The following PDIA3 variants were observed in gnomAD, a reference collection of about 807,000 sequenced individuals.
PDIA3 encodes the protein protein disulfide-isomerase A3.
Under a neutral mutation model 56.9 loss-of-function variants are expected in PDIA3, and 16 were observed. That is an observed-to-expected ratio of 0.28 (90% CI 0.19 to 0.43). The LOEUF (loss-of-function observed/expected upper bound fraction) is 0.43. PDIA3 is among the 20% of genes least tolerant of loss of function. The pLI, the probability that PDIA3 is intolerant of heterozygous loss-of-function variation, is 1.00. For synonymous variants in PDIA3, 192 were observed against 216.5 expected, an observed-to-expected ratio of 0.89 and a Z score of 0.99; for missense variants, 485 against 621.3, an observed-to-expected ratio of 0.78 and a Z score of 2.33.
chr15:43,746,876 G>T (rs1462541864), intron 1 of PDIA3, 170 bp downstream of exon 1: 16 of 735,436 alleles, frequency 2.2e-5, no homozygotes, highest in South Asian at 5.3e-5. Context: ...CCGAGAGCGG[G>T]GGAGTCGGTG....
intron 1 of PDIA3, chr15:43,751,776 T>G: frequency 7.7e-7 from 1 of 1,291,752 alleles, no homozygotes; most frequent in Non-Finnish European, 1.0e-6. Flanking sequence ...ATGCATACTT[T>G]TGTTGTTTTA....
At position 43,771,574 on chromosome 15, in the gene PDIA3, G is replaced by A; in HGVS notation, c.*356G>A. The stretch of plus-strand genomic sequence containing the variant: ...TTTTCCACCAGATTGAGAACCAGAT[G>A]TTCTCTACACACTATCACTGTTCAA... On this transcript the variant is annotated 3_prime_UTR_variant, in exon 13 of 13. Transcript: ENST00000300289. The A allele has an allele frequency of 4.4e-6, 2 of 454,066 alleles. No individual in the cohort carries two copies. The highest frequency in any genetic ancestry group is 3.8e-6 in the Non-Finnish European group (1 of 260,134). 28.1% of individuals were successfully genotyped at this position (454,066 alleles called of 1,614,324 possible).
At chr15:43,766,103 G>T in intron 7 of PDIA3, 91 bp downstream of exon 7, 156 of 742,296 alleles carry the variant, frequency 2.1e-4, no homozygotes, top group Non-Finnish European at 2.7e-4. Context: ...TTAAGAATCT[G>T]TAAAACAATA....
chr15:43,765,395 G>A, intron 5 of PDIA3, 55 bp from the exon 6 acceptor site: 1 of 967,662 alleles, frequency 1.0e-6, no homozygotes, highest in Non-Finnish European at 1.6e-6. Flanking sequence ...AAAAAAAGAT[G>A]GGAGACAGTT....
chr15:43,771,041 T>C, intron 12 of PDIA3, 64 bp from the exon 13 acceptor site: 1 of 1,011,290 alleles, frequency 9.9e-7, no homozygotes, highest in East Asian at 2.5e-5. Flanking sequence ...GTCTTCCTGT[T>C]TGGGTGGGGC....
intron 3 of PDIA3, among the ~76,000 whole-genome samples, chr15:43,758,730 C>A (rs1370694134): frequency 6.6e-6 from 1 of 151,796 alleles, no homozygotes; most frequent in Non-Finnish European, 1.5e-5. Context: ...AATCCCAGCT[C>A]TTTGGGAGGC....
rs923726595 is a variant in PDIA3, at chr15:43,752,676, A to G, written c.168-1148A>G. 18 of 423,442 alleles carry G rather than the reference A, an allele frequency of 4.3e-5. No homozygotes were observed. In the East Asian group the frequency reaches 1.3e-3, roughly 30 times the overall value. The allele number at this position is 423,442 out of a possible 1,614,324, so 26.2% of individuals were successfully genotyped here. A position where few individuals can be genotyped will look rare whatever the true frequency, so the allele number is the denominator to read the frequency against. ...AAGCTGTTATAATCCTTTATTTTAAACAAGTTTTAGGTGTACAATATTTCC... is the reference window on the plus strand; with the variant it reads ...AAGCTGTTATAATCCTTTATTTTAAGCAAGTTTTAGGTGTACAATATTTCC... On this transcript the variant is annotated intron_variant, in intron 1 of 12. Transcript: ENST00000300289.
In PDIA3 at chr15:43,746,652, G is replaced by A; in HGVS notation, c.113G>A (p.Arg38His). ...LELTDDNFES[R>H]ISDTGSAGLM... The stretch of plus-strand genomic sequence containing the variant: ...CTCACGGACGACAACTTCGAGAGTC[G>A]CATCTCCGACACGGGCTCTGCGGGC... The change falls in exon 1 of 13, where the codon CGC becomes CAC. Residue 38 changes from arginine (R) to histidine (H), a missense_variant. Physicochemically the swap from Arg to His is conservative, Grantham distance 29 (BLOSUM62 0). Transcript: ENST00000300289. The A allele has an allele frequency of 6.2e-7, 1 of 1,612,954 alleles. No individual in the cohort carries two copies. Among genetic ancestry groups the A allele is most frequent in the African/African-American group, 1.3e-5 (1 of 75,066 alleles).
chr15:43,765,384 A>C, intron 5 of PDIA3, 66 bp from the exon 6 acceptor site: 1 of 935,066 alleles, frequency 1.1e-6, no homozygotes, highest in Admixed American at 1.9e-5. Context: ...CTATCTCAAA[A>C]AAAAAAAGAT....
At chr15:43,762,607 ATTCT>A (rs1157306050) in intron 4 of PDIA3, among the ~76,000 whole-genome samples, 1 of 151,740 alleles carries the variant, frequency 6.6e-6, no homozygotes, top group South Asian at 2.1e-4. Context: ...GATTTTACTG[ATTCT>A]TTATATTTTA....
At chr15:43,761,860 A>G (rs2086818623) in intron 4 of PDIA3, among the ~76,000 whole-genome samples, 1 of 152,184 alleles carries the variant, frequency 6.6e-6, no homozygotes. Context: ...GAATATCTTC[A>G]GCGTTTTCTA....
At chr15:43,767,038 AT>A (rs2086851604) in intron 8 of PDIA3, 128 bp downstream of exon 8, 2 of 842,044 alleles carry the variant, frequency 2.4e-6, no homozygotes, top group South Asian at 3.3e-5. Context: ...TATGACTGTC[AT>A]TTTTCTCAAT....
chr15:43,755,082 T>C (rs942616696), intron 2 of PDIA3, among the ~76,000 whole-genome samples: 1 of 152,108 alleles, frequency 6.6e-6, no homozygotes, highest in African/African-American at 2.4e-5. Flanking sequence ...TCCCAGCACT[T>C]TGACAGGCTG....
chr15:43,770,221 T>G (rs774473898), intron 10 of PDIA3, 29 bp from the exon 11 acceptor site: 2 of 1,568,110 alleles, frequency 1.3e-6, no homozygotes, highest in South Asian at 2.2e-5. Context: ...AAACTTGAAA[T>G]GTAAACATTT....
rs559378416 is a variant in PDIA3, at chr15:43,757,268, T to C, written c.364+502T>C. Among the ~76,000 whole-genome samples, 9 of 152,190 alleles carry C rather than the reference T, an allele frequency of 5.9e-5. No homozygotes were observed. In the East Asian group the frequency reaches 1.2e-3, roughly 20 times the overall value. On this transcript the variant is annotated intron_variant, in intron 3 of 12. Coordinates refer to ENST00000300289, the MANE Select transcript of PDIA3 (RefSeq NM_005313.5). The stretch of plus-strand genomic sequence containing the variant: ...TTTGTCCCCATCTCCAATAAAAAGT[T>C]TGGGCCGGGGCCGGGTGCGGTGGCT...
chr15:43,771,038 T>A, intron 12 of PDIA3, 67 bp from the exon 13 acceptor site: 1 of 982,668 alleles, frequency 1.0e-6, no homozygotes, highest in Non-Finnish European at 1.6e-6. Context: ...GAAGTCTTCC[T>A]GTTTGGGTGG....
Position 43,772,724 on chromosome 15 carries a change from T to A in PDIA3, c.*1506T>A, listed in dbSNP as rs143012752. 2 of 159,054 alleles carry A rather than the reference T, an allele frequency of 1.3e-5. No individual in the cohort carries two copies. Among genetic ancestry groups the A allele is most frequent in the African/African-American group, 4.8e-5 (2 of 41,838 alleles). 9.9% of individuals were successfully genotyped at this position (159,054 alleles called of 1,614,324 possible). A position where few individuals can be genotyped will look rare whatever the true frequency, so the allele number is the denominator to read the frequency against. On this transcript the variant is annotated 3_prime_UTR_variant, in exon 13 of 13. Transcript: ENST00000300289. ...GTATGCTACAAGTTCTTTTAACTCT[T>A]ATCAGAAGTTATTATTACTGTTTCC...
intron 5 of PDIA3, 34 bp downstream of exon 5, chr15:43,763,240 T>G: frequency 6.2e-7 from 1 of 1,607,074 alleles, no homozygotes; most frequent in Non-Finnish European, 8.5e-7. Context: ...TGACCAAGTA[T>G]TATTGTGTGA....
At position 43,772,504 on chromosome 15, in the gene PDIA3, A is replaced by C. The variant is rs532134289; in HGVS notation, c.*1286A>C. 1 of 152,312 alleles carries C rather than the reference A, an allele frequency of 6.6e-6. No homozygotes were observed. The highest frequency in any genetic ancestry group is 1.9e-4 in the East Asian group (1 of 5,186). 9.4% of individuals were successfully genotyped at this position (152,312 alleles called of 1,614,324 possible). On this transcript the variant is annotated 3_prime_UTR_variant, in exon 13 of 13. Transcript: ENST00000300289. ...CATCTGGGCTGGGGCCCGGGGATCT[A>C]ATTGTTTAGAGAGCCCCAAAAGTGG...
Sources: allele counts gnomAD v4.1 joint callset (sites outside exome capture counted in the v4.1 genomes callset), GRCh38; gene constraint gnomAD v4.1.1; transcripts MANE v1.5; gene names NCBI Gene and HGNC (gene_info 2026-07-23, HGNC 2026-07-21).